TP53I13: variants seen among roughly 807,000 people sequenced by gnomAD.
TP53I13 encodes tumor protein p53-inducible protein 13.
In TP53I13, 27 loss-of-function variants were observed where a neutral mutation model predicts 39.1. The observed-to-expected ratio is 0.69, with a 90% CI of 0.51 to 0.95. TP53I13 has a LOEUF of 0.95. Ranked by LOEUF, TP53I13 falls within the 40% of genes least tolerant of loss-of-function variation. The probability of loss-of-function intolerance (pLI) is 0.00; values close to 1 mark genes in which losing one functional copy is unlikely to be tolerated. For missense variants in TP53I13, 544 were observed against 520.4 expected (o/e 1.05, Z -0.44); for synonymous variants, 230 against 224.6 (o/e 1.02, Z -0.22).
chr17:29,574,987 T>C (rs932569399), downstream of TP53I13: 2 of 1,485,564 alleles, frequency 1.3e-6, no homozygotes, highest in Non-Finnish European at 1.8e-6. Context: ...AGTTTGTCTG[T>C]GTCTCCACCC....
At chr17:29,566,966 T>C (rs771221173), upstream of TP53I13, 103 of 1,367,094 alleles carry the variant, frequency 7.5e-5, no homozygotes, top group Middle Eastern at 2.6e-4. Flanking sequence ...CACGGCGGCA[T>C]GGCGAAGCTG....
chr17:29,581,231 A>G, the TP53I13 span: 9 of 793,564 alleles, frequency 1.1e-5, no homozygotes, highest in Non-Finnish European at 1.8e-5. This position sits in a 1 kb window ranked among gnomAD's most constrained non-coding sequence, Gnocchi z 4.8. Context: ...CTCTGGGGGG[A>G]GGGAGCAGGG....
At chr17:29,576,959 G>C, downstream of TP53I13, 1 of 1,601,476 alleles carries the variant, frequency 6.2e-7, no homozygotes. Context: ...GTTGGTCGTC[G>C]AGGTCACTCT....
At chr17:29,575,748 C>T, downstream of TP53I13, 2 of 1,598,602 alleles carry the variant, frequency 1.3e-6, no homozygotes, top group Non-Finnish European at 1.7e-6. The surrounding 1 kb of genome is among the most constrained non-coding windows in gnomAD (Gnocchi z 5.5). Context: ...GTTCCTGGAC[C>T]CACACTGCCC....
downstream of TP53I13, chr17:29,575,811 C>T (rs1286992802): frequency 6.2e-7 from 1 of 1,613,228 alleles, no homozygotes. This position sits in a 1 kb window ranked among gnomAD's most constrained non-coding sequence, Gnocchi z 5.5. Context: ...GGAAACATTA[C>T]CGTGTGGCGG....
chr17:29,579,792 T>G, the TP53I13 span, among the ~76,000 whole-genome samples: 1 of 151,670 alleles, frequency 6.6e-6, no homozygotes, highest in Non-Finnish European at 1.5e-5. Context: ...GAAAAATAGA[T>G]GCTGTCATCT....
chr17:29,577,741 C>A (rs762198415), downstream of TP53I13: 17 of 1,596,424 alleles, frequency 1.1e-5, no homozygotes, highest in Non-Finnish European at 1.5e-5. Context: ...TAGCCAGCCA[C>A]ACTGTAGGGG....
chr17:29,579,877 G>A, the TP53I13 span, among the ~76,000 whole-genome samples: 1 of 152,156 alleles, frequency 6.6e-6, no homozygotes, highest in Non-Finnish European at 1.5e-5. Flanking sequence ...AAGCAGCAGA[G>A]ATGACTTCAC....
chr17:29,574,290 G>A (rs2033101408), downstream of TP53I13: 1 of 230,616 alleles, frequency 4.3e-6, no homozygotes, highest in East Asian at 1.2e-4. Context: ...CAAAGGAGGG[G>A]ATGCCCCCGC....
chr17:29,578,686 G>A, the TP53I13 span: 58 of 1,543,138 alleles, frequency 3.8e-5, no homozygotes, highest in Non-Finnish European at 4.8e-5. Flanking sequence ...GGGGATCAGA[G>A]AGGGGCCAGC....
chr17:29,578,159 TCA>T, the TP53I13 span: 1 of 726,840 alleles, frequency 1.4e-6, no homozygotes, highest in Non-Finnish European at 2.4e-6. Context: ...CCAGGCAGGC[TCA>T]CAGCCAGCAG....
At chr17:29,566,607 A>G (rs776392260), upstream of TP53I13, 2 of 1,608,112 alleles carry the variant, frequency 1.2e-6, no homozygotes, top group Non-Finnish European at 1.7e-6. Flanking sequence ...GGGCCAGCTC[A>G]GGCCCAGGCG....
At chr17:29,567,057 G>A, upstream of TP53I13, 1 of 1,134,868 alleles carries the variant, frequency 8.8e-7, no homozygotes, top group African/African-American at 1.6e-5. The surrounding 1 kb of genome is among the most constrained non-coding windows in gnomAD (Gnocchi z 6.6). Flanking sequence ...CCCGCCGGCG[G>A]CGGCTGCCCA....
At chr17:29,580,246 A>G in the TP53I13 span, among the ~76,000 whole-genome samples, 1 of 152,210 alleles carries the variant, frequency 6.6e-6, no homozygotes, top group African/African-American at 2.4e-5. Flanking sequence ...TGTTGAATGG[A>G]GCCCATATTT....
At position 29,572,521 on chromosome 17, in the gene TP53I13, G is replaced by A. The variant is rs746563324; in HGVS notation, c.893G>A (p.Arg298Gln). The A allele has an allele frequency of 3.0e-5, 48 of 1,605,516 alleles. No homozygotes were observed. Among genetic ancestry groups the A allele is most frequent in the Non-Finnish European group, 3.8e-5 (45 of 1,176,702 alleles). Reference protein sequence around the residue: ...SPAPRAAAPPRAARGPTPRTE... With the variant: ...SPAPRAAAPPQAARGPTPRTE... ...GCCCCTCGCGCAGCAGCGCCTCCAC[G>A]GGCAGCCCGGGGCCCCACCCCACGC... Residue 298 changes from arginine (R) to glutamine (Q), a missense_variant, in exon 6 of 7, where the codon CGG becomes CAG. Arg to Gln is a conservative substitution (Grantham distance 43). Coordinates refer to ENST00000301057, the MANE Select transcript of TP53I13 (RefSeq NM_138349.4).
chr17:29,567,692 C>T (rs540632602), upstream of TP53I13, among the ~76,000 whole-genome samples: 4 of 152,268 alleles, frequency 2.6e-5, no homozygotes, highest in East Asian at 1.9e-4. The surrounding 1 kb of genome is among the most constrained non-coding windows in gnomAD (Gnocchi z 6.6). Flanking sequence ...AAATCCTCAG[C>T]CCGGGAGTGG....
downstream of TP53I13, chr17:29,577,197 G>C (rs776741777): frequency 6.2e-7 from 1 of 1,613,976 alleles, no homozygotes; most frequent in Non-Finnish European, 8.5e-7. Context: ...GAATGTCGAT[G>C]ATCAAGGTGG....
chr17:29,576,489 G>A (rs2033206765), downstream of TP53I13: 1 of 1,613,122 alleles, frequency 6.2e-7, no homozygotes, highest in Non-Finnish European at 8.5e-7. Context: ...TGGAGTCCTG[G>A]GGCTCCCCCT....
downstream of TP53I13, chr17:29,576,019 A>G (rs2033181773): frequency 6.3e-7 from 1 of 1,579,372 alleles, no homozygotes; most frequent in Non-Finnish European, 8.7e-7. Context: ...CACAGAGCCC[A>G]GAACCCCCTG....
Sources: gnomAD v4.1 joint callset for allele counts (sites outside exome capture counted in the v4.1 genomes callset) on GRCh38, gnomAD v4.1.1 for gene constraint, Gnocchi (gnomAD v3.1) non-coding constraint, MANE v1.5 for transcripts, NCBI Gene and HGNC (gene_info 2026-07-23, HGNC 2026-07-21) for gene names.